Variants in DACH1 observed in about 807,000 individuals in gnomAD.
DACH1 encodes dachshund family transcription factor 1.
In DACH1, 12 loss-of-function variants were observed where a neutral mutation model predicts 54.2. The ratio of observed to expected loss-of-function variants is 0.22; its 90% CI spans 0.14 to 0.36. The LOEUF (loss-of-function observed/expected upper bound fraction) is 0.36, where lower values mean the gene tolerates loss of function less well. Among genes scored for constraint, DACH1 ranks in the 10% least tolerant of loss-of-function variants. The pLI is 1.00. For missense variants in DACH1, 805 were observed against 929.8 expected (o/e 0.87, Z 1.75); for synonymous variants, 386 against 366.2 (o/e 1.05, Z -0.62).
chr13:71,851,036 C>A (rs1425817497), intron 1 of DACH1, among the ~76,000 whole-genome samples: 1 of 152,182 alleles, frequency 6.6e-6, no homozygotes, highest in East Asian at 1.9e-4. Flanking sequence ...CATGAGTATG[C>A]TTACGATCAC....
rs1206259593 is a variant in DACH1, at chr13:71,440,499, T to TC, written c.*155_*156insG. The stretch of plus-strand genomic sequence containing the variant: ...TGAAAATCAATGGAGAAAACTTTTT[T>TC]TTTTTTTGTAGAATACTTAAACTTT... On this transcript the variant is annotated 3_prime_UTR_variant, in exon 11 of 11. Transcript: ENST00000613252. The TC allele has an allele frequency of 1.7e-6, 1 of 588,164 alleles. No homozygotes were observed. The highest frequency in any genetic ancestry group is 2.9e-6 in the Non-Finnish European group (1 of 343,340). 36.4% of individuals were successfully genotyped at this position (588,164 alleles called of 1,614,324 possible). A position where few individuals can be genotyped will look rare whatever the true frequency, so the allele number is the denominator to read the frequency against.
intron 1 of DACH1, among the ~76,000 whole-genome samples, chr13:71,772,520 A>G (rs1355897109): frequency 6.6e-6 from 1 of 151,668 alleles, no homozygotes; most frequent in Admixed American, 6.6e-5. Context: ...TTCTTCTCTC[A>G]CTTATCATTA....
chr13:71,833,115 A>G (rs1325355), intron 1 of DACH1, among the ~76,000 whole-genome samples: 68,663 of 151,754 alleles, frequency 0.45, 18,226 homozygotes, highest in Middle Eastern at 0.65. Context: ...AACATTTTGT[A>G]AGAGAGAGCC....
At chr13:71,648,013 A>T (rs905195501) in intron 2 of DACH1, among the ~76,000 whole-genome samples, 8 of 152,352 alleles carry the variant, frequency 5.3e-5, no homozygotes, top group African/African-American at 1.9e-4. Context: ...TACACAGTGA[A>T]TTTGATTTTT....
chr13:71,691,317 C>T (rs1051878395), intron 1 of DACH1, among the ~76,000 whole-genome samples: 12 of 152,126 alleles, frequency 7.9e-5, no homozygotes, highest in South Asian at 4.1e-4. Flanking sequence ...GATAAAATAA[C>T]GAAATAATTG....
chr13:71,848,974 T>C (rs1321712383), intron 1 of DACH1, among the ~76,000 whole-genome samples: 2 of 152,206 alleles, frequency 1.3e-5, no homozygotes, highest in Non-Finnish European at 2.9e-5. Context: ...GCAATTCACA[T>C]ACTTGGAACC....
intron 10 of DACH1, among the ~76,000 whole-genome samples, chr13:71,448,574 C>A (rs1397824395): frequency 1.3e-5 from 2 of 152,104 alleles, no homozygotes; most frequent in Non-Finnish European, 2.9e-5. Context: ...AGAGTAAGAA[C>A]ATTCTGCTAC....
rs1201892248 is a variant in DACH1 at position 71,757,031 on chromosome 13, AAAACATGAG to A, written c.849-75130_849-75122del. 3.9e-5 allele frequency among the ~76,000 whole-genome samples: 6 copies of A among 152,312 alleles called. No homozygotes were observed. The East Asian group carries it at 9.7e-4, about 25-fold the overall frequency. ...TTTTGTTAAGTACAATTCAATGCAT[AAAACATGAG>A]AAATATGTATTAAAAGTCCTAATAA... On this transcript the variant is annotated intron_variant, in intron 1 of 10. Coordinates refer to ENST00000613252, the MANE Select transcript of DACH1 (RefSeq NM_080759.6).
chr13:71,684,922 C>T (rs546585300), intron 1 of DACH1, among the ~76,000 whole-genome samples: 21 of 152,050 alleles, frequency 1.4e-4, no homozygotes, highest in South Asian at 1.2e-3. Flanking sequence ...TAACTTGAAA[C>T]GTAATGCTAA....
At chr13:71,712,786 A>AGTT (rs1337113605) in intron 1 of DACH1, among the ~76,000 whole-genome samples, 1 of 152,134 alleles carries the variant, frequency 6.6e-6, no homozygotes, top group Non-Finnish European at 1.5e-5. Flanking sequence ...TATTTTTAAT[A>AGTT]AACTATTTCC....
intron 1 of DACH1, among the ~76,000 whole-genome samples, chr13:71,732,721 T>C (rs1883807372): frequency 6.6e-6 from 1 of 152,146 alleles, no homozygotes; most frequent in Admixed American, 6.5e-5. Flanking sequence ...CACAACCTTT[T>C]GTTTATTTTG....
At chr13:71,685,739 A>T (rs1881127412) in intron 1 of DACH1, among the ~76,000 whole-genome samples, 1 of 152,176 alleles carries the variant, frequency 6.6e-6, no homozygotes, top group Non-Finnish European at 1.5e-5. Context: ...GGGAACCTCC[A>T]AGAGAACATG....
At chr13:71,858,839 G>C (rs79302998) in intron 1 of DACH1, among the ~76,000 whole-genome samples, 13,734 of 151,164 alleles carry the variant, frequency 0.091, 1,552 homozygotes, top group East Asian at 0.56. Context: ...AACCTGTACG[G>C]TACATTATTA....
intron 1 of DACH1, among the ~76,000 whole-genome samples, chr13:71,713,498 T>C (rs1426899148): frequency 2.0e-5 from 3 of 152,142 alleles, no homozygotes; most frequent in African/African-American, 7.2e-5. Context: ...GATGCATTAG[T>C]AAAAAACAGA....
intron 1 of DACH1, among the ~76,000 whole-genome samples, chr13:71,718,759 G>C (rs548345785): frequency 6.6e-6 from 1 of 152,102 alleles, no homozygotes; most frequent in South Asian, 2.1e-4. Flanking sequence ...TCCCTTCTCT[G>C]TAATCTCCAT....
chr13:71,669,577 C>T (rs904433828), intron 2 of DACH1, among the ~76,000 whole-genome samples: 11 of 152,234 alleles, frequency 7.2e-5, no homozygotes, highest in East Asian at 3.9e-4. Flanking sequence ...CCACCCACCC[C>T]CATCAGTGGA....
chr13:71,584,591 T>C (rs191860682), intron 3 of DACH1, among the ~76,000 whole-genome samples: 2 of 152,150 alleles, frequency 1.3e-5, no homozygotes. Flanking sequence ...GCTTAATTTT[T>C]GAACTGTGTC....
intron 1 of DACH1, among the ~76,000 whole-genome samples, chr13:71,749,435 T>C (rs1053932763): frequency 2.0e-5 from 3 of 152,010 alleles, no homozygotes; most frequent in Non-Finnish European, 4.4e-5. Context: ...GGGGGGGGCA[T>C]TTGTTAAGAA....
intron 1 of DACH1, among the ~76,000 whole-genome samples, chr13:71,748,912 CTTTCTTTCTT>C (rs1566476985): frequency 1.7e-3 from 58 of 34,978 alleles, no homozygotes; most frequent in African/African-American, 3.9e-3. Flanking sequence ...TTCTTTCTTT[CTTTCTTTCTT>C]TCTTTCTTTC....
Sources: allele counts gnomAD v4.1 joint callset (sites outside exome capture counted in the v4.1 genomes callset), GRCh38; gene constraint gnomAD v4.1.1; transcripts MANE v1.5; gene names NCBI Gene and HGNC (gene_info 2026-07-23, HGNC 2026-07-21).